SLC9A9: variants seen among roughly 807,000 people sequenced by gnomAD.
The protein encoded by SLC9A9 is sodium/hydrogen exchanger 9.
In SLC9A9, 62 loss-of-function variants were observed where a neutral mutation model predicts 77.8. The ratio of observed to expected loss-of-function variants is 0.80; its 90% CI spans 0.65 to 0.98. SLC9A9 has a LOEUF of 0.98. Ranked by LOEUF, SLC9A9 falls within the 50% of genes least tolerant of loss-of-function variation. SLC9A9 has a pLI of 0.00. For missense variants in SLC9A9, 775 were observed against 774.9 expected, an observed-to-expected ratio of 1.00 and a Z score of 0.00; for synonymous variants, 320 against 283.5, an observed-to-expected ratio of 1.13 and a Z score of -1.29.
At position 143,285,467 on chromosome 3, in the gene SLC9A9, G is replaced by A. The variant is rs184416964; in HGVS notation, c.1605-16487C>T. Among the ~76,000 whole-genome samples, 108 of 152,252 alleles carry A rather than the reference G, an allele frequency of 7.1e-4. No individual in the cohort carries two copies. In the East Asian group the frequency reaches 0.02, roughly 28 times the overall value. ...AAAGGAGCCAGCCATGGCTACATAA[G>A]TATGAAGTGGTGAAGCCAGGATGTG... On this transcript the variant is annotated intron_variant, in intron 14 of 15. Transcript: ENST00000316549.
intron 4 of SLC9A9, among the ~76,000 whole-genome samples, chr3:143,724,331 T>A (rs1437226484): frequency 6.6e-6 from 1 of 152,154 alleles, no homozygotes; most frequent in Non-Finnish European, 1.5e-5. Context: ...ATTGTTAGTT[T>A]CCTGAGACCT....
chr3:143,589,724 T>C (rs537875599), intron 6 of SLC9A9, among the ~76,000 whole-genome samples: 1 of 152,314 alleles, frequency 6.6e-6, no homozygotes, highest in Admixed American at 6.5e-5. Context: ...CAGAGATAAA[T>C]AGACTCAGGG....
intron 9 of SLC9A9, among the ~76,000 whole-genome samples, chr3:143,499,122 A>G (rs370943706): frequency 5.9e-4 from 90 of 152,294 alleles, no homozygotes; most frequent in African/African-American, 2.1e-3. Context: ...CATTTTACTG[A>G]TGTTTTCTGA....
At chr3:143,428,319 A>G (rs72997832) in intron 12 of SLC9A9, among the ~76,000 whole-genome samples, 4,822 of 152,300 alleles carry the variant, frequency 0.032, 198 homozygotes, top group African/African-American at 0.089. Context: ...CAACAGACAT[A>G]TGAAAAAATA....
chr3:143,341,482 A>G (rs2032097087), intron 14 of SLC9A9, among the ~76,000 whole-genome samples: 1 of 152,168 alleles, frequency 6.6e-6, no homozygotes, highest in Admixed American at 6.5e-5. Flanking sequence ...ACACCCTGCA[A>G]TAATCATTAT....
intron 4 of SLC9A9, among the ~76,000 whole-genome samples, chr3:143,718,297 T>C (rs184828447): frequency 1.3e-5 from 2 of 152,336 alleles, no homozygotes; most frequent in East Asian, 3.9e-4. Flanking sequence ...CTTACATTTT[T>C]CTATTCCTGT....
intron 13 of SLC9A9, among the ~76,000 whole-genome samples, chr3:143,365,790 T>A (rs1329334675): frequency 6.6e-6 from 1 of 152,210 alleles, no homozygotes; most frequent in Non-Finnish European, 1.5e-5. Flanking sequence ...GTTTTCTTCA[T>A]CATCCTCAAA....
chr3:143,668,322 G>T (rs1245405838), intron 5 of SLC9A9, among the ~76,000 whole-genome samples: 17 of 125,508 alleles, frequency 1.4e-4, no homozygotes, highest in Admixed American at 5.7e-4. Flanking sequence ...CACACCCTGG[G>T]GCCTGTCGTG....
chr3:143,781,927 T>C (rs1006495611), intron 4 of SLC9A9, among the ~76,000 whole-genome samples: 1 of 152,216 alleles, frequency 6.6e-6, no homozygotes, highest in African/African-American at 2.4e-5. Context: ...TTCCTTTTAT[T>C]GGGGCCATTT....
At chr3:143,546,385 T>C (rs774660227) in intron 9 of SLC9A9, among the ~76,000 whole-genome samples, 7 of 152,208 alleles carry the variant, frequency 4.6e-5, no homozygotes, top group Non-Finnish European at 8.8e-5. Flanking sequence ...AGACAAAGAA[T>C]CTGGCTTTTC....
Position 143,832,212 on chromosome 3 carries a change from A to G in SLC9A9, c.185T>C (p.Met62Thr), listed in dbSNP as rs1294655070. 1 of 1,611,362 alleles carries G rather than the reference A, an allele frequency of 6.2e-7. No individual in the cohort carries two copies. Among genetic ancestry groups the G allele is most frequent in the Admixed American group, 1.7e-5 (1 of 59,884 alleles). The stretch of plus-strand genomic sequence containing the variant: ...TGTAGCATATCGTAAAATTAGTCCC[A>G]TTATAAGGCCTAAAAAAAAAAGAAT... ...TGGAMVYGLIMGLILRYATAP... is the reference protein window; with the variant it reads ...TGGAMVYGLITGLILRYATAP... The change falls in exon 2 of 16, where the codon ATG (methionine) becomes ACG (threonine). Residue 62 changes from methionine (M) to threonine (T), a missense_variant. Physicochemically the swap from Met to Thr is moderately conservative, Grantham distance 81. Transcript: ENST00000316549.
intron 5 of SLC9A9, among the ~76,000 whole-genome samples, chr3:143,684,126 C>G (rs899240092): frequency 6.6e-6 from 1 of 151,852 alleles, no homozygotes; most frequent in African/African-American, 2.4e-5. Context: ...CATGACTGTC[C>G]CACACCACGA....
At chr3:143,605,887 T>A (rs1034650454) in intron 6 of SLC9A9, among the ~76,000 whole-genome samples, 5 of 152,152 alleles carry the variant, frequency 3.3e-5, no homozygotes, top group African/African-American at 1.2e-4. Flanking sequence ...TTTGTGTATA[T>A]AAATTATAAC....
At chr3:143,448,910 T>A (rs1226466597) in intron 12 of SLC9A9, among the ~76,000 whole-genome samples, 1 of 15,604 alleles carries the variant, frequency 6.4e-5, no homozygotes, top group Non-Finnish European at 8.0e-5. Flanking sequence ...TATAATATGA[T>A]ATATATTATA....
At chr3:143,617,538 A>G (rs1382348510) in intron 6 of SLC9A9, among the ~76,000 whole-genome samples, 2 of 152,268 alleles carry the variant, frequency 1.3e-5, no homozygotes, top group African/African-American at 4.8e-5. Context: ...TTAGTTTAAA[A>G]GAAAATACAT....
intron 4 of SLC9A9, among the ~76,000 whole-genome samples, chr3:143,757,528 A>G (rs922802263): frequency 1.3e-5 from 2 of 152,000 alleles, no homozygotes; most frequent in African/African-American, 4.8e-5. Context: ...AGTACAACAA[A>G]TTTTTTTACT....
intron 9 of SLC9A9, among the ~76,000 whole-genome samples, chr3:143,520,974 T>C (rs2036288989): frequency 6.6e-6 from 1 of 152,222 alleles, no homozygotes; most frequent in Non-Finnish European, 1.5e-5. Flanking sequence ...TTCTGGACAC[T>C]GATCCTTTGA....
rs77673120 is a variant in SLC9A9, at chr3:143,784,040, G to T, written c.533+10961C>A. Reference sequence around the variant, plus strand: ...CACAATTGCCACTGATAAGAAAAATGCAGCCACGGAAGAGATTCCCTCAGC... The same window carrying T: ...CACAATTGCCACTGATAAGAAAAATTCAGCCACGGAAGAGATTCCCTCAGC... On this transcript the variant is annotated intron_variant, in intron 4 of 15. Coordinates refer to ENST00000316549, the MANE Select transcript of SLC9A9 (RefSeq NM_173653.4). Among the ~76,000 whole-genome samples the T allele has an allele frequency of 9.1e-3, 1,382 of 152,316 alleles. 70 individuals are homozygous for T. In the East Asian group the frequency reaches 0.16, roughly 17 times the overall value.
intron 8 of SLC9A9, among the ~76,000 whole-genome samples, chr3:143,573,569 G>A (rs1368550493): frequency 6.6e-6 from 1 of 152,092 alleles, no homozygotes; most frequent in Non-Finnish European, 1.5e-5. Flanking sequence ...TAGACTTTCT[G>A]TGGTAAGAGA....
Sources: gnomAD v4.1 joint callset for allele counts (sites outside exome capture counted in the v4.1 genomes callset) on GRCh38, gnomAD v4.1.1 for gene constraint, MANE v1.5 for transcripts, NCBI Gene and HGNC (gene_info 2026-07-23, HGNC 2026-07-21) for gene names.